Variants in CNR1 observed in about 807,000 individuals in gnomAD.
CNR1 encodes cannabinoid receptor 1 (brain).
A neutral mutation model predicts 23.0 loss-of-function variants in CNR1; 10 were observed. That is an observed-to-expected ratio of 0.43 (90% CI 0.27 to 0.74). CNR1 has a LOEUF of 0.74. CNR1 is among the 30% of genes least tolerant of loss of function. The pLI is 0.19. For missense variants in CNR1, 422 were observed against 618.8 expected (o/e 0.68, Z 3.37); for synonymous variants, 271 against 255.2 (o/e 1.06, Z -0.59).
chr6:88,150,775 C>T (rs1777477382), intron 1 of CNR1, among the ~76,000 whole-genome samples: 1 of 152,220 alleles, frequency 6.6e-6, no homozygotes, highest in South Asian at 2.1e-4. Flanking sequence ...TAAGGAACAG[C>T]TCTCTCATAT....
intron 1 of CNR1, among the ~76,000 whole-genome samples, chr6:88,146,459 T>G (rs806369): frequency 6.6e-6 from 1 of 151,972 alleles, no homozygotes; most frequent in Non-Finnish European, 1.5e-5. Flanking sequence ...GATAGTCCCC[T>G]TCATGAGCAG....
At chr6:88,166,578 C>CTCCTCT (rs936597156), upstream of CNR1, among the ~76,000 whole-genome samples, 2 of 152,132 alleles carry the variant, frequency 1.3e-5, no homozygotes, top group South Asian at 2.1e-4. Context: ...TCACCTACTT[C>CTCCTCT]TCCTCTTCCT....
intron 1 of CNR1, chr6:88,162,975 T>C (rs1212567576): frequency 2.0e-5 from 3 of 152,244 alleles, no homozygotes; most frequent in Non-Finnish European, 4.4e-5. Flanking sequence ...AGGCATGGCA[T>C]CCTTTTCAGC....
At chr6:88,154,085 G>A (rs1229099522) in intron 1 of CNR1, among the ~76,000 whole-genome samples, 1 of 151,970 alleles carries the variant, frequency 6.6e-6, no homozygotes, top group Non-Finnish European at 1.5e-5. Flanking sequence ...CATTATATTG[G>A]TAACACTCAA....
intron 1 of CNR1, among the ~76,000 whole-genome samples, chr6:88,159,787 G>A (rs34112449): frequency 0.044 from 6,635 of 152,224 alleles, 205 homozygotes; most frequent in Middle Eastern, 0.075. Flanking sequence ...AAAACATTTA[G>A]CAAATTCTGG....
chr6:88,161,440 T>A (rs1232379012), intron 1 of CNR1, among the ~76,000 whole-genome samples: 2 of 152,218 alleles, frequency 1.3e-5, no homozygotes, highest in African/African-American at 2.4e-5. Context: ...AAACTTAAAT[T>A]AGAGGCTGTC....
In CNR1 at chr6:88,145,074, G is replaced by A. The variant is rs1415297258; in HGVS notation, c.201C>T (p.Asn67=). ...PFQEKMTAGD[N]PQLVPADQVN... is the part of the protein sequence containing the mutation. The stretch of plus-strand genomic sequence containing the variant: ...CCTGGTCTGCTGGGACTAGCTGGGG[G>A]TTGTCTCCCGCAGTCATCTTCTCTT... The change falls in exon 2 of 2, where the codon AAC becomes AAT. Residue 67 remains asparagine, a synonymous_variant. Transcript: ENST00000369501. 6.2e-7 allele frequency: 1 copy of A among 1,614,180 alleles called. No homozygotes were observed. Among genetic ancestry groups the A allele is most frequent in the Non-Finnish European group, 8.5e-7 (1 of 1,180,030 alleles).
chr6:88,144,795 C>G lies in CNR1; in HGVS notation c.480G>C (p.Ala160=). 6.2e-7 allele frequency: 1 copy of G among 1,614,142 alleles called. No individual in the cohort carries two copies. Among genetic ancestry groups the G allele is most frequent in the Non-Finnish European group, 8.5e-7 (1 of 1,180,030 alleles). ...TGACACTCCCCAGGAGGTCTGCCAC[C>G]GCCAGGCTGCCGATGAAGTGGTAGG... The part of the protein sequence containing the change: ...RPSYHFIGSL[A]VADLLGSVIF... The change falls in exon 2 of 2, where the codon GCG becomes GCC. Residue 160 remains alanine (A), a synonymous_variant. Coordinates refer to ENST00000369501, the MANE Select transcript of CNR1 (RefSeq NM_016083.6). The surrounding 1 kb of genome is among the most constrained non-coding windows in gnomAD (Gnocchi z 7.8).
At chr6:88,166,792 C>CGGAAGG (rs57363397), upstream of CNR1, among the ~76,000 whole-genome samples, 78,932 of 150,992 alleles carry the variant, frequency 0.52, 21,405 homozygotes, top group East Asian at 0.77. Context: ...CGGGCTGAGC[C>CGGAAGG]GGAAGGGGAA....
intron 1 of CNR1, among the ~76,000 whole-genome samples, chr6:88,152,214 C>CAAAA (rs56141409): frequency 1.5e-4 from 12 of 81,452 alleles, no homozygotes; most frequent in South Asian, 8.1e-4. Flanking sequence ...GACTCCGTCT[C>CAAAA]AAAAAAAAAA....
At chr6:88,155,129 A>G (rs1032710719) in intron 1 of CNR1, among the ~76,000 whole-genome samples, 1 of 152,130 alleles carries the variant, frequency 6.6e-6, no homozygotes, top group African/African-American at 2.4e-5. Context: ...ATGCTATATG[A>G]TATCCAATTG....
Position 88,144,496 on chromosome 6 carries a change from A to C in CNR1, c.779T>G (p.Leu260Arg). Reference sequence around the variant, plus strand: ...GAAAATGTCTGAGCAAACAGATTGCAGTTTCTCGCAGTTCCAGCCCAGGAG... The same window carrying C: ...GAAAATGTCTGAGCAAACAGATTGCCGTTTCTCGCAGTTCCAGCCCAGGAG... The part of the protein sequence containing the change: ...LPLLGWNCEK[L>R]QSVCSDIFPH... The change falls in exon 2 of 2, where the codon CTG becomes CGG. Residue 260 changes from leucine (L) to arginine (R), a missense_variant. By Grantham distance (102) the Leu-to-Arg change is moderately radical (BLOSUM62 -2). Transcript: ENST00000369501. The surrounding 1 kb of genome is among the most constrained non-coding windows in gnomAD (Gnocchi z 7.8). 1 of 1,614,222 alleles carries C rather than the reference A, an allele frequency of 6.2e-7. No individual in the cohort carries two copies. Among genetic ancestry groups the C allele is most frequent in the Non-Finnish European group, 8.5e-7 (1 of 1,180,050 alleles).
At chr6:88,166,857 G>T (rs9353526), upstream of CNR1, among the ~76,000 whole-genome samples, 78,147 of 151,292 alleles carry the variant, frequency 0.52, 20,900 homozygotes, top group East Asian at 0.77. Context: ...GCGGTCTCGC[G>T]CCCCCTCCCT....
chr6:88,150,116 G>A (rs1777437997), intron 1 of CNR1, among the ~76,000 whole-genome samples: 2 of 152,196 alleles, frequency 1.3e-5, no homozygotes, highest in Non-Finnish European at 2.9e-5. Context: ...CAGAGTTTGA[G>A]CCTCCATCTC....
rs980125031 is a variant in CNR1 at position 88,141,368 on chromosome 6, G to A, written c.*2488C>T. ...CAAGTTTAGTGCTGTCAGCCCCATTGTCCCTTAATTTATTATATATGATTT... is the reference window on the plus strand; with the variant it reads ...CAAGTTTAGTGCTGTCAGCCCCATTATCCCTTAATTTATTATATATGATTT... On this transcript the variant is annotated 3_prime_UTR_variant, in exon 2 of 2. Transcript: ENST00000369501. 6.5e-6 allele frequency: 1 copy of A among 152,724 alleles called. No individual in the cohort carries two copies. The highest frequency in any genetic ancestry group is 1.5e-5 in the Non-Finnish European group (1 of 68,040). 9.5% of individuals were successfully genotyped at this position (152,724 alleles called of 1,614,324 possible).
chr6:88,143,237 G>C lies in CNR1; in HGVS notation c.*619C>G, dbSNP rs1481235511. 6.6e-6 allele frequency: 1 copy of C among 152,470 alleles called. No individual in the cohort carries two copies. The highest frequency in any genetic ancestry group is 1.5e-5 in the Non-Finnish European group (1 of 68,038). The allele number at this position is 152,470 out of a possible 1,614,324, so 9.4% of individuals were successfully genotyped here. ...TATTTCAGTGTCAAAATTAAATAGA[G>C]ATATTTGAAGAAATATTAAGGTTTA... On this transcript the variant is annotated 3_prime_UTR_variant, in exon 2 of 2. Coordinates refer to ENST00000369501, the MANE Select transcript of CNR1 (RefSeq NM_016083.6).
upstream of CNR1, among the ~76,000 whole-genome samples, chr6:88,166,577 T>A (rs922711704): frequency 1.3e-5 from 2 of 151,786 alleles, no homozygotes; most frequent in Admixed American, 6.5e-5. Flanking sequence ...GTCACCTACT[T>A]CTCCTCTTCC....
At position 88,144,450 on chromosome 6, in the gene CNR1, G is replaced by A; in HGVS notation, c.825C>T (p.Tyr275=). The A allele has an allele frequency of 1.9e-6, 3 of 1,614,140 alleles. No homozygotes were observed. Among genetic ancestry groups the A allele is most frequent in the East Asian group, 2.2e-5 (1 of 44,886 alleles). The change falls in exon 2 of 2, where the codon TAC becomes TAT. Residue 275 remains tyrosine (Y), a synonymous_variant. Coordinates refer to ENST00000369501, the MANE Select transcript of CNR1 (RefSeq NM_016083.6). This position sits in a 1 kb window ranked among gnomAD's most constrained non-coding sequence, Gnocchi z 7.8. ...TGGTGACCCCGATCCAGAACATCAG[G>A]TAGGTTTCATCAATGTGTGGGAAAA... ...SDIFPHIDET[Y]LMFWIGVTSV... is the part of the protein sequence containing the mutation.
At chr6:88,156,329 A>C (rs1777793355) in intron 1 of CNR1, among the ~76,000 whole-genome samples, 1 of 152,118 alleles carries the variant, frequency 6.6e-6, no homozygotes, top group African/African-American at 2.4e-5. Context: ...ATATTCCAAG[A>C]TGTAACATTT....
Sources: gnomAD v4.1 joint callset for allele counts (sites outside exome capture counted in the v4.1 genomes callset) on GRCh38, gnomAD v4.1.1 for gene constraint, Gnocchi (gnomAD v3.1) non-coding constraint, MANE v1.5 for transcripts, NCBI Gene and HGNC (gene_info 2026-07-23, HGNC 2026-07-21) for gene names.